The following TMEM165 variants were observed in gnomAD, a reference collection of about 807,000 sequenced individuals.
TMEM165 encodes transmembrane protein 165, also known as putative divalent cation/proton antiporter TMEM165.
A neutral mutation model predicts 30.0 loss-of-function variants in TMEM165; 19 were observed. The ratio of observed to expected loss-of-function variants is 0.63; its 90% confidence interval spans 0.44 to 0.93. The LOEUF is 0.93. Ranked by LOEUF, TMEM165 falls within the 40% of genes least tolerant of loss-of-function variation. The probability of loss-of-function intolerance (pLI) is 0.00; values close to 1 mark genes in which losing one functional copy is unlikely to be tolerated. For synonymous variants in TMEM165, 168 were observed against 162.9 expected, an observed-to-expected ratio of 1.03 and a Z score of -0.24; for missense variants, 340 against 417.0, an observed-to-expected ratio of 0.82 and a Z score of 1.61.
chr4:55,445,945 G>A (rs1424029861), intron 3 of TMEM165, among the ~76,000 whole-genome samples: 5 of 151,774 alleles, frequency 3.3e-5, no homozygotes, highest in Admixed American at 6.6e-5. Context: ...GAGTTAATCC[G>A]TGTTACCAGT....
chr4:55,425,613 A>G lies in TMEM165; in HGVS notation c.*161A>G, dbSNP rs1289016342. 3.5e-6 allele frequency: 2 copies of G among 567,276 alleles called. No homozygotes were observed. Among genetic ancestry groups the G allele is most frequent in the East Asian group, 6.3e-5 (2 of 31,828 alleles). The allele number at this position is 567,276 out of a possible 1,614,324, so 35.1% of individuals were successfully genotyped here. A position where few individuals can be genotyped will look rare whatever the true frequency, so the allele number is the denominator to read the frequency against. On this transcript the variant is annotated 3_prime_UTR_variant, in exon 6 of 6. Transcript: ENST00000381334. ...TGTCTGAGATATAATCATTGATTCT[A>G]TTTGTAACAAGGAGTTTTAAAAGAA...
At chr4:55,420,133 ATT>A in intron 4 of TMEM165, among the ~76,000 whole-genome samples, 1 of 54,802 alleles carries the variant, frequency 1.8e-5, no homozygotes, top group Non-Finnish European at 3.2e-5. Flanking sequence ...ATATATATTT[ATT>A]TATTTATTTA....
chr4:55,429,985 T>C (rs1722397097), downstream of TMEM165: 1 of 152,166 alleles, frequency 6.6e-6, no homozygotes, highest in Admixed American at 6.5e-5. Flanking sequence ...AAGAAGAATA[T>C]GGTGCAAAAC....
chr4:55,447,926 TAC>T (rs1374439061), intron 3 of TMEM165, among the ~76,000 whole-genome samples: 2 of 152,180 alleles, frequency 1.3e-5, no homozygotes, highest in East Asian at 3.8e-4. Context: ...ACTGAATGAG[TAC>T]AGAGTCATAA....
At chr4:55,416,744 G>A (rs1438086690) in intron 2 of TMEM165, among the ~76,000 whole-genome samples, 2 of 152,128 alleles carry the variant, frequency 1.3e-5, no homozygotes, top group African/African-American at 4.8e-5. Flanking sequence ...CAGGTACTGT[G>A]CCTTGCACAA....
intron 3 of TMEM165, among the ~76,000 whole-genome samples, chr4:55,442,978 C>T (rs559068956): frequency 6.6e-6 from 1 of 152,214 alleles, no homozygotes; most frequent in South Asian, 2.1e-4. Context: ...GATTTACAGT[C>T]ACAGATCTAC....
In TMEM165 at chr4:55,396,354, G is replaced by A; in HGVS notation, c.165G>A (p.Pro55=). 1.3e-6 allele frequency: 2 copies of A among 1,509,658 alleles called. No homozygotes were observed. Among genetic ancestry groups the A allele is most frequent in the East Asian group, 2.7e-5 (1 of 36,914 alleles). The allele number at this position is 1,509,658 out of a possible 1,614,324, so 93.5% of individuals were successfully genotyped here. A position where few individuals can be genotyped will look rare whatever the true frequency, so the allele number is the denominator to read the frequency against. Residue 55 remains proline, a synonymous_variant, in exon 1 of 6, where the codon CCG becomes CCA. Transcript: ENST00000381334. ...CGGCGCCGGCCCAGCAGCTGCAGCC[G>A]CAGCCTGTGGCTGTGCAGGGCCCCG... ...EPPAPAQQLQ[P]QPVAVQGPEP...
At chr4:55,418,567 A>G (rs1000192407) in intron 4 of TMEM165, among the ~76,000 whole-genome samples, 11 of 152,120 alleles carry the variant, frequency 7.2e-5, no homozygotes, top group African/African-American at 2.7e-4. Flanking sequence ...TGTTACACTA[A>G]AGAAATTGAC....
chr4:55,413,408 A>G (rs1214125601), intron 2 of TMEM165, among the ~76,000 whole-genome samples: 1 of 152,110 alleles, frequency 6.6e-6, no homozygotes, highest in Non-Finnish European at 1.5e-5. Flanking sequence ...TCCATCTCCC[A>G]GGCTCAGGCG....
At chr4:55,414,269 CAAA>C (rs1227098345) in intron 2 of TMEM165, among the ~76,000 whole-genome samples, 2 of 92,414 alleles carry the variant, frequency 2.2e-5, no homozygotes. Flanking sequence ...GACTCCGTCT[CAAA>C]AAAAAAAAAA....
Position 55,421,830 on chromosome 4 carries a change from TTATAA to T in TMEM165, c.793-2704_793-2700del, listed in dbSNP as rs1721985808. On this transcript the variant is annotated intron_variant, in intron 4 of 5. Coordinates refer to ENST00000381334, the MANE Select transcript of TMEM165 (RefSeq NM_018475.5). Reference sequence around the variant, plus strand: ...CCCTCCTGTATTCTGAATCCCACCCTTATAATATGCTTAGATTTTGCCTTTCTCCC... The same window carrying T: ...CCCTCCTGTATTCTGAATCCCACCCTTATGCTTAGATTTTGCCTTTCTCCC... Among the ~76,000 whole-genome samples, 3 of 152,250 alleles carry T rather than the reference TTATAA, an allele frequency of 2.0e-5. No homozygotes were observed. The South Asian group carries it at 6.2e-4, about 32-fold the overall frequency.
chr4:55,401,899 C>G (rs1665737710), intron 1 of TMEM165, among the ~76,000 whole-genome samples: 1 of 149,984 alleles, frequency 6.7e-6, no homozygotes, highest in East Asian at 1.9e-4. Context: ...GGTGGATCAC[C>G]TGAGGTCAAG....
intron 2 of TMEM165, 115 bp downstream of exon 2, chr4:55,411,954 T>G: frequency 1.0e-6 from 1 of 976,216 alleles, no homozygotes; most frequent in South Asian, 1.4e-5. Context: ...TACACCTTAT[T>G]TGTGGTCTTC....
At chr4:55,411,495 A>G in intron 1 of TMEM165, 119 bp from the exon 2 acceptor site, 4 of 844,564 alleles carry the variant, frequency 4.7e-6, no homozygotes, top group Non-Finnish European at 7.4e-6. Context: ...GTGATTAGAC[A>G]GTAAATAAGT....
downstream of TMEM165, chr4:55,426,187 T>TTGTG (rs1190972923): frequency 6.6e-6 from 1 of 152,212 alleles, no homozygotes; most frequent in African/African-American, 2.4e-5. Context: ...TTGTTTTTCC[T>TTGTG]TGTGTGTCAT....
chr4:55,438,879 T>G (rs1026348628), intron 3 of TMEM165, among the ~76,000 whole-genome samples: 2 of 152,202 alleles, frequency 1.3e-5, no homozygotes, highest in African/African-American at 4.8e-5. Flanking sequence ...TATAAAACTC[T>G]TAGAAGAAAA....
Position 55,443,789 on chromosome 4 carries a change from T to C in TMEM165, c.409-8450T>C, listed in dbSNP as rs557251465. 7.5e-5 allele frequency: 121 copies of C among 1,614,086 alleles called. 1 individual carries two copies. In the South Asian group the frequency reaches 1.3e-3, roughly 17 times the overall value. Reference sequence around the variant, plus strand: ...TTTGAATCTGGTTAGTAGGAACAACTTGGCCTTGCATATTTATAGGTGCAA... The same window carrying C: ...TTTGAATCTGGTTAGTAGGAACAACCTGGCCTTGCATATTTATAGGTGCAA... On this transcript the variant is annotated intron_variant, in intron 3 of 3. Transcript: ENST00000608091.
intron 3 of TMEM165, chr4:55,434,537 A>G (rs775881201): frequency 2.0e-5 from 3 of 152,594 alleles, no homozygotes; most frequent in Admixed American, 1.3e-4. Flanking sequence ...AAAATAATGA[A>G]ATGAGGGATA....
At chr4:55,448,602 G>GC (rs1553891251) in intron 3 of TMEM165, among the ~76,000 whole-genome samples, 20 of 14,384 alleles carry the variant, frequency 1.4e-3, no homozygotes, top group African/African-American at 0.01. Context: ...GCACGCGCGC[G>GC]TGTGTGTGTG....
Sources: allele counts gnomAD v4.1 joint callset (sites outside exome capture counted in the v4.1 genomes callset), GRCh38; gene constraint gnomAD v4.1.1; transcripts MANE v1.5; gene names NCBI Gene and HGNC (gene_info 2026-07-23, HGNC 2026-07-21).